The following CSMD1 variants were observed in gnomAD, a reference collection of about 807,000 sequenced individuals.
CSMD1 encodes CUB and Sushi multiple domains 1.
CSMD1 carries 213 observed loss-of-function variants against 417.5 expected under a neutral mutation model. The ratio of observed to expected loss-of-function variants is 0.51; its 90% CI spans 0.46 to 0.57. The LOEUF (loss-of-function observed/expected upper bound fraction) is 0.57. Ranked by LOEUF, CSMD1 falls within the 20% of genes least tolerant of loss-of-function variation. CSMD1 has a pLI of 0.00. For missense variants in CSMD1, 6,923 were observed against 4,529.7 expected, an observed-to-expected ratio of 1.53 and a Z score of -15.17; for synonymous variants, 2,862 against 1,736.8, an observed-to-expected ratio of 1.65 and a Z score of -16.11.
intron 2 of CSMD1, among the ~76,000 whole-genome samples, chr8:4,459,246 A>C (rs1799664337): frequency 6.6e-6 from 1 of 152,232 alleles, no homozygotes; most frequent in Non-Finnish European, 1.5e-5. Flanking sequence ...GCTCAACTCC[A>C]GAATAAAAGG....
intron 1 of CSMD1, among the ~76,000 whole-genome samples, chr8:4,723,829 T>G (rs984386058): frequency 3.3e-5 from 5 of 149,356 alleles, no homozygotes; most frequent in Admixed American, 6.7e-5. Context: ...AAACAGTGCC[T>G]GAATCATGGA....
intron 2 of CSMD1, among the ~76,000 whole-genome samples, chr8:4,622,348 A>T (rs1289797461): frequency 6.6e-6 from 1 of 152,080 alleles, no homozygotes; most frequent in African/African-American, 2.4e-5. Flanking sequence ...CTGAGGCTCA[A>T]CACTCCACAC....
intron 3 of CSMD1, among the ~76,000 whole-genome samples, chr8:4,228,487 C>A (rs549721181): frequency 4.6e-5 from 7 of 152,076 alleles, no homozygotes; most frequent in African/African-American, 1.7e-4. Flanking sequence ...CTGTATCCTC[C>A]CCCAACTGTC....
intron 1 of CSMD1, among the ~76,000 whole-genome samples, chr8:4,799,495 A>G (rs1798160295): frequency 6.8e-6 from 1 of 146,674 alleles, no homozygotes; most frequent in Non-Finnish European, 1.5e-5. Flanking sequence ...GCTACTCTAG[A>G]GCCTGGGGCA....
intron 3 of CSMD1, among the ~76,000 whole-genome samples, chr8:4,070,194 C>T (rs544126394): frequency 3.9e-5 from 6 of 152,044 alleles, no homozygotes; most frequent in Non-Finnish European, 8.8e-5. Flanking sequence ...TACCAAACCT[C>T]TTTTTTTCTG....
intron 3 of CSMD1, among the ~76,000 whole-genome samples, chr8:4,065,131 G>GT (rs1405000057): frequency 6.6e-6 from 1 of 152,136 alleles, no homozygotes; most frequent in Non-Finnish European, 1.5e-5. Context: ...TGTTTTTAGA[G>GT]TTTTTTAAAA....
intron 54 of CSMD1, among the ~76,000 whole-genome samples, chr8:2,979,940 T>C (rs927411208): frequency 1.1e-4 from 16 of 152,190 alleles, no homozygotes; most frequent in Admixed American, 2.6e-4. Context: ...ATCTCTGAAA[T>C]AGCAGGAATT....
chr8:3,653,911 T>C (rs1047243052), intron 7 of CSMD1, among the ~76,000 whole-genome samples: 1 of 152,228 alleles, frequency 6.6e-6, no homozygotes, highest in East Asian at 1.9e-4. Flanking sequence ...AAATCAGCAC[T>C]TGCTCTTGTG....
chr8:4,809,937 A>G (rs530212200), intron 1 of CSMD1, among the ~76,000 whole-genome samples: 4 of 152,330 alleles, frequency 2.6e-5, no homozygotes, highest in Admixed American at 2.0e-4. Flanking sequence ...AACCTAAATC[A>G]GTTTCTTCAC....
chr8:2,955,574 TGATCAATGAC>T lies in CSMD1; in HGVS notation c.9994+5_9994+14del. On this transcript the variant is annotated splice_donor_5th_base_variant and intron_variant, in intron 64 of 69. Transcript: ENST00000635120. ...CTCTTTGGAAAAGTATGCCACTCCTTGATCAATGACTTACTTTTACACACAGGCGACTTTC... is the reference window on the plus strand; with the variant it reads ...CTCTTTGGAAAAGTATGCCACTCCTTTTACTTTTACACACAGGCGACTTTC... 6.2e-7 allele frequency: 1 copy of T among 1,612,480 alleles called. No homozygotes were observed. The highest frequency in any genetic ancestry group is 2.2e-5 in the East Asian group (1 of 44,836).
At chr8:4,042,404 T>C (rs902834158) in intron 3 of CSMD1, among the ~76,000 whole-genome samples, 1 of 152,000 alleles carries the variant, frequency 6.6e-6, no homozygotes, top group South Asian at 2.1e-4. Flanking sequence ...AGTACTGAAA[T>C]AACGAATAAG....
chr8:4,444,129 G>A (rs571247947), intron 2 of CSMD1, among the ~76,000 whole-genome samples: 2 of 151,904 alleles, frequency 1.3e-5, no homozygotes, highest in East Asian at 3.9e-4. Flanking sequence ...ATCACTTCAG[G>A]TCAGAAATTT....
chr8:3,345,850 C>T (rs1807954314), intron 22 of CSMD1, among the ~76,000 whole-genome samples: 1 of 152,122 alleles, frequency 6.6e-6, no homozygotes, highest in Non-Finnish European at 1.5e-5. Flanking sequence ...AGAAACTATA[C>T]CCTGCAGATT....
At chr8:4,295,348 A>T (rs1272302562) in intron 3 of CSMD1, among the ~76,000 whole-genome samples, 1 of 126,670 alleles carries the variant, frequency 7.9e-6, no homozygotes, top group Non-Finnish European at 1.8e-5. Flanking sequence ...GATTATGCAC[A>T]TATAACCTTA....
chr8:3,896,491 C>A (rs1205384381), intron 5 of CSMD1, among the ~76,000 whole-genome samples: 1 of 151,848 alleles, frequency 6.6e-6, no homozygotes, highest in Non-Finnish European at 1.5e-5. Context: ...CAAATAAGGT[C>A]TTGAATATTA....
chr8:4,089,429 CATT>C (rs1348918678), intron 3 of CSMD1, among the ~76,000 whole-genome samples: 1 of 152,094 alleles, frequency 6.6e-6, no homozygotes, highest in African/African-American at 2.4e-5. Flanking sequence ...CATTCTGTGT[CATT>C]ATTTTTCACT....
chr8:4,727,794 A>C (rs1401547249), intron 1 of CSMD1, among the ~76,000 whole-genome samples: 1 of 151,486 alleles, frequency 6.6e-6, no homozygotes, highest in African/African-American at 2.4e-5. Flanking sequence ...TAAATTTGGA[A>C]TATATATGTT....
chr8:4,556,351 G>A (rs1171816082), intron 2 of CSMD1, among the ~76,000 whole-genome samples: 1 of 152,128 alleles, frequency 6.6e-6, no homozygotes, highest in Non-Finnish European at 1.5e-5. Context: ...TTAAGGTTAT[G>A]AAGATGTCCA....
chr8:4,004,121 T>G (rs1284119910), intron 4 of CSMD1, among the ~76,000 whole-genome samples: 1 of 152,120 alleles, frequency 6.6e-6, no homozygotes, highest in Admixed American at 6.6e-5. Flanking sequence ...TATACATATG[T>G]ATATTTCAAG....
Sources: gnomAD v4.1 joint callset for allele counts (sites outside exome capture counted in the v4.1 genomes callset) on GRCh38, gnomAD v4.1.1 for gene constraint, MANE v1.5 for transcripts, NCBI Gene and HGNC (gene_info 2026-07-23, HGNC 2026-07-21) for gene names.